Variants in TRIM65 observed in about 807,000 individuals in gnomAD.
The protein encoded by TRIM65 is E3 ubiquitin-protein ligase TRIM65.
TRIM65 carries 46 observed loss-of-function variants against 36.1 expected under a neutral mutation model. The observed-to-expected ratio is 1.27, with a 90% CI of 1.01 to 1.63. TRIM65 has a LOEUF of 1.63. Among genes scored for constraint, TRIM65 ranks in the 40% most tolerant of loss-of-function variants. The pLI is 0.00. For synonymous variants in TRIM65, 346 were observed against 313.6 expected (o/e 1.10, Z -1.09); for missense variants, 708 against 696.6 (o/e 1.02, Z -0.18).
In TRIM65 at chr17:75,896,672, G is replaced by T; in HGVS notation, c.266C>A (p.Pro89His). ...RDPGPDPGPGPDPAARCPRHG... is the reference protein window; with the variant it reads ...RDPGPDPGPGHDPAARCPRHG... ...GCGGGGGCAGCGCGCGGCAGGGTCGGGGCCGGGGCCGGGATCGGGGCCGGG... is the reference window on the plus strand; with the variant it reads ...GCGGGGGCAGCGCGCGGCAGGGTCGTGGCCGGGGCCGGGATCGGGGCCGGG... The change falls in exon 1 of 6, where the codon CCC (proline) becomes CAC (histidine). Residue 89 changes from proline (P) to histidine (H), a missense_variant. By Grantham distance (77) the Pro-to-His change is moderately conservative. Coordinates refer to ENST00000269383, the MANE Select transcript of TRIM65 (RefSeq NM_173547.4). The T allele has an allele frequency of 7.8e-7, 1 of 1,286,820 alleles. No homozygotes were observed. The highest frequency in any genetic ancestry group is 9.8e-7 in the Non-Finnish European group (1 of 1,022,426). The allele number at this position is 1,286,820 out of a possible 1,614,324, so 79.7% of individuals were successfully genotyped here.
At position 75,890,973 on chromosome 17, in the gene TRIM65, C is replaced by T; in HGVS notation, c.1360G>A (p.Asp454Asn). 1.3e-6 allele frequency: 2 copies of T among 1,567,550 alleles called. No homozygotes were observed. The highest frequency in any genetic ancestry group is 1.7e-6 in the Non-Finnish European group (2 of 1,156,506). The part of the protein sequence containing the change: ...PGVSGRLLGM[D>N]LDLASGCLTF... Reference sequence around the variant, plus strand: ...AGGCAGCCTGAGGCCAGGTCCAAATCCATGCCCAGGAGCCGCCCTGACACC... The same window carrying T: ...AGGCAGCCTGAGGCCAGGTCCAAATTCATGCCCAGGAGCCGCCCTGACACC... The change falls in exon 6 of 6, where the codon GAT (aspartate) becomes AAT (asparagine). Residue 454 changes from aspartate (D) to asparagine (N), a missense_variant. By Grantham distance (23) the Asp-to-Asn change is conservative. Coordinates refer to ENST00000269383, the MANE Select transcript of TRIM65 (RefSeq NM_173547.4).
At chr17:75,895,743 T>TGGA (rs1384468884) in intron 1 of TRIM65, among the ~76,000 whole-genome samples, 3 of 152,186 alleles carry the variant, frequency 2.0e-5, no homozygotes, top group Admixed American at 6.5e-5. Flanking sequence ...TTTGTAATAA[T>TGGA]ACATTCACGC....
downstream of TRIM65, among the ~76,000 whole-genome samples, chr17:75,886,149 T>A (rs2065205136): frequency 6.6e-6 from 1 of 152,152 alleles, no homozygotes; most frequent in Admixed American, 6.5e-5. Context: ...TGCCACCATA[T>A]GAGACATGCC....
rs772900524 is a variant in TRIM65 at position 75,896,922 on chromosome 17, G to C, written c.16C>G (p.Leu6Val). The change falls in exon 1 of 6, where the codon CTG becomes GTG. Residue 6 changes from leucine (L) to valine (V), a missense_variant. By Grantham distance (32) the Leu-to-Val change is conservative (BLOSUM62 1). Transcript: ENST00000269383. MAAQL[L>V]EEKLTCAICL... ...ATGGCGCAGGTCAGCTTCTCCTCCA[G>C]CAGCTGCGCGGCCATGGCCCGGCGG... is the stretch of plus-strand genomic sequence containing the variant. 6 of 1,502,622 alleles carry C rather than the reference G, an allele frequency of 4.0e-6. No homozygotes were observed. The South Asian group carries it at 6.2e-5, about 16-fold the overall frequency. 93.1% of individuals were successfully genotyped at this position (1,502,622 alleles called of 1,614,324 possible).
rs757388092 is a variant in TRIM65 at position 75,891,159 on chromosome 17, C to G, written c.1174G>C (p.Asp392His). Residue 392 changes from aspartate (D) to histidine (H), a missense_variant, in exon 6 of 6, where the codon GAC (aspartate) becomes CAC (histidine). Transcript: ENST00000269383. ...GAGACGCCCAGTGTCACCGAGTGGT[C>G]TGACGCGCGCACCTCCCAGTAGTGG... The part of the protein sequence containing the change: ...GHHYWEVRAS[D>H]HSVTLGVSYP... The G allele has an allele frequency of 6.2e-7, 1 of 1,609,010 alleles. No homozygotes were observed. Among genetic ancestry groups the G allele is most frequent in the South Asian group, 1.1e-5 (1 of 91,082 alleles).
Position 75,896,675 on chromosome 17 carries a change from CCGGGGCCGGGAT to C in TRIM65, c.251_262del (p.Asp84_Pro87del), listed in dbSNP as rs769428646. On this transcript the variant is annotated inframe_deletion, in exon 1 of 6. Coordinates refer to ENST00000269383, the MANE Select transcript of TRIM65 (RefSeq NM_173547.4). ...GGGGCAGCGCGCGGCAGGGTCGGGG[CCGGGGCCGGGAT>C]CGGGGCCGGGATCCCGGGCGGGCCC... 1,295 of 1,288,904 alleles carry C rather than the reference CCGGGGCCGGGAT, an allele frequency of 1.0e-3. 12 individuals are homozygous for C. The African/African-American group carries it at 0.012, about 12-fold the overall frequency. The allele number at this position is 1,288,904 out of a possible 1,614,324, so 79.8% of individuals were successfully genotyped here.
chr17:75,891,359 A>C lies in TRIM65; in HGVS notation c.986-12T>G. The stretch of plus-strand genomic sequence containing the variant: ...CAGATTGCGATAATCTGTTGGGGAA[A>C]GGAGGACAGCAGTGGGCTGGGGGAA... On this transcript the variant is annotated splice_polypyrimidine_tract_variant and intron_variant, in intron 5 of 5. Transcript: ENST00000269383. The C allele has an allele frequency of 6.2e-7, 1 of 1,612,904 alleles. No individual in the cohort carries two copies. The highest frequency in any genetic ancestry group is 1.1e-5 in the South Asian group (1 of 91,056).
At chr17:75,886,105 G>A (rs1303630565), downstream of TRIM65, among the ~76,000 whole-genome samples, 4 of 152,076 alleles carry the variant, frequency 2.6e-5, no homozygotes, top group African/African-American at 9.7e-5. Flanking sequence ...TTTCATAAAG[G>A]GCAGTTCGCC....
chr17:75,880,674 C>G (rs556372142), intron 4 of TRIM65: 1 of 150,570 alleles, frequency 6.6e-6, no homozygotes, highest in Non-Finnish European at 1.5e-5. Flanking sequence ...GAGGCCCAGG[C>G]CCAAATGTGC....
chr17:75,892,875 G>A, intron 1 of TRIM65, 25 bp from the exon 2 acceptor site: 2 of 1,593,872 alleles, frequency 1.3e-6, no homozygotes, highest in Non-Finnish European at 1.7e-6. Flanking sequence ...CACGGGACAA[G>A]CAACAAGAGA....
downstream of TRIM65, among the ~76,000 whole-genome samples, chr17:75,886,602 A>G (rs2065209569): frequency 6.6e-6 from 1 of 151,914 alleles, no homozygotes; most frequent in Non-Finnish European, 1.5e-5. Flanking sequence ...TTAGCGCACA[A>G]AAACAGACTA....
At chr17:75,885,328 C>G (rs1303122726), downstream of TRIM65, among the ~76,000 whole-genome samples, 1 of 152,104 alleles carries the variant, frequency 6.6e-6, no homozygotes, top group African/African-American at 2.4e-5. Context: ...GTTCTGTCAC[C>G]CAGGCTGGTG....
rs2065243516 is a variant in TRIM65, at chr17:75,889,917, A to C, written c.*862T>G. ...GCACACCAGCCTGGGTGACAGATGG[A>C]GATCCTGTCTCAAAAAAAACACATC... is the stretch of plus-strand genomic sequence containing the variant. On this transcript the variant is annotated 3_prime_UTR_variant, in exon 6 of 6. Transcript: ENST00000269383. The C allele has an allele frequency of 6.6e-6, 1 of 152,190 alleles. No homozygotes were observed. The highest frequency in any genetic ancestry group is 2.4e-5 in the African/African-American group (1 of 41,446). 9.4% of individuals were successfully genotyped at this position (152,190 alleles called of 1,614,324 possible). A position where few individuals can be genotyped will look rare whatever the true frequency, so the allele number is the denominator to read the frequency against.
chr17:75,887,764 G>A (rs1431950829), downstream of TRIM65, among the ~76,000 whole-genome samples: 1 of 152,188 alleles, frequency 6.6e-6, no homozygotes, highest in Non-Finnish European at 1.5e-5. Flanking sequence ...ACTCACGCCT[G>A]TAATCCCAGC....
chr17:75,892,378 TG>T lies in TRIM65; in HGVS notation c.632del (p.Ala211AspfsTer52). On this transcript the variant is annotated frameshift_variant, in exon 3 of 6. Transcript: ENST00000269383. LOFTEE classifies it high-confidence loss of function. ...GCCGCTGCTCCTCGTCTCGAGCCTG[TG>T]CCAGCGCCTGCGTCTTGGCCACCTC... ...SIEVAKTQALAQARDEEQRLR... is the reference protein window; with the variant it reads ...SIEVAKTQALXQARDEEQRLR... 1 of 1,613,860 alleles carries T rather than the reference TG, an allele frequency of 6.2e-7. No individual in the cohort carries two copies.
At position 75,891,435 on chromosome 17, in the gene TRIM65, C is replaced by T. The variant is rs539800173; in HGVS notation, c.986-88G>A. 41 of 1,380,400 alleles carry T rather than the reference C, an allele frequency of 3.0e-5. No individual in the cohort carries two copies. The South Asian group carries it at 3.1e-4, about 11-fold the overall frequency. 85.5% of individuals were successfully genotyped at this position (1,380,400 alleles called of 1,614,324 possible). ...TCCGCTGCTAAACCTCCGCCAGGCACGCTGAGCACCGGCCGTCACCATAGC... is the reference window on the plus strand; with the variant it reads ...TCCGCTGCTAAACCTCCGCCAGGCATGCTGAGCACCGGCCGTCACCATAGC... On this transcript the variant is annotated intron_variant, in intron 5 of 5. Coordinates refer to ENST00000269383, the MANE Select transcript of TRIM65 (RefSeq NM_173547.4).
At chr17:75,884,446 C>A (rs77589611), downstream of TRIM65, among the ~76,000 whole-genome samples, 1 of 151,630 alleles carries the variant, frequency 6.6e-6, no homozygotes, top group Non-Finnish European at 1.5e-5. Flanking sequence ...GCAACAAGAG[C>A]GAAACTCCGT....
downstream of TRIM65, among the ~76,000 whole-genome samples, chr17:75,885,230 G>T (rs370167252): frequency 5.3e-5 from 8 of 152,058 alleles, no homozygotes; most frequent in Non-Finnish European, 1.0e-4. Context: ...CCAGCCCCAG[G>T]TTCCCTTTTT....
At chr17:75,888,609 C>A (rs2065228394), downstream of TRIM65, among the ~76,000 whole-genome samples, 1 of 152,206 alleles carries the variant, frequency 6.6e-6, no homozygotes, top group Non-Finnish European at 1.5e-5. Flanking sequence ...GCAATGACAG[C>A]CATCTGGCCA....
Sources: gnomAD v4.1 joint callset for allele counts (sites outside exome capture counted in the v4.1 genomes callset) on GRCh38, gnomAD v4.1.1 for gene constraint, MANE v1.5 for transcripts, NCBI Gene and HGNC (gene_info 2026-07-23, HGNC 2026-07-21) for gene names.